Variants in CHRDL1 observed in about 807,000 individuals in gnomAD.
The protein encoded by CHRDL1 is chordin like 1.
In CHRDL1, 19 loss-of-function variants were observed where a neutral mutation model predicts 40.9. That is an observed-to-expected ratio of 0.46 (90% CI 0.32 to 0.68). The LOEUF is 0.68. Among genes scored for constraint, CHRDL1 ranks in the 30% least tolerant of loss-of-function variants. The pLI, the probability that CHRDL1 is intolerant of heterozygous loss-of-function variation, is 0.03. For missense variants in CHRDL1, 329 were observed against 352.1 expected, an observed-to-expected ratio of 0.93 and a Z score of 0.53; for synonymous variants, 136 against 123.4, an observed-to-expected ratio of 1.10 and a Z score of -0.68.
intron 4 of CHRDL1, among the ~76,000 whole-genome samples, chrX:110,731,897 C>T (rs2071168716): frequency 9.2e-6 from 1 of 109,109 alleles, no homozygotes; most frequent in Non-Finnish European, 1.9e-5. Context: ...GTGATGGATG[C>T]AACATCTTGT....
intron 4 of CHRDL1, among the ~76,000 whole-genome samples, chrX:110,737,654 G>A (rs754009965): frequency 4.5e-5 from 5 of 111,711 alleles, no homozygotes; most frequent in African/African-American, 1.3e-4. Flanking sequence ...TTTACTGCCC[G>A]TACTGGACAA....
chrX:110,795,542 A>G (rs995271390), intron 1 of CHRDL1: 6 of 110,997 alleles, frequency 5.4e-5, no homozygotes, highest in African/African-American at 2.0e-4. Flanking sequence ...GAGACCCCCA[A>G]CTTGCTTTGG....
chrX:110,690,225 T>C lies in CHRDL1; in HGVS notation c.779-1422A>G, dbSNP rs915246262. On this transcript the variant is annotated intron_variant, in intron 8 of 11. Transcript: ENST00000372042. ...CACGCCCGGCTAACTTTTTTTTGGA[T>C]TTTTAGTAGAGACGGGGTTTCACTG... Among the ~76,000 whole-genome samples the C allele has an allele frequency of 4.8e-5, 5 of 103,991 alleles. No homozygotes were observed. In the East Asian group the frequency reaches 8.7e-4, roughly 18 times the overall value. 90.3% of individuals were successfully genotyped at this position (103,991 alleles called of 115,157 possible). A position where few individuals can be genotyped will look rare whatever the true frequency, so the allele number is the denominator to read the frequency against.
chrX:110,753,892 T>G (rs186437181), intron 4 of CHRDL1, among the ~76,000 whole-genome samples: 71 of 112,427 alleles, frequency 6.3e-4, no homozygotes, highest in African/African-American at 2.2e-3. Context: ...TGCTATAGTG[T>G]GGATTTGTGT....
At chrX:110,728,383 G>GA (rs1470111477) in intron 4 of CHRDL1, among the ~76,000 whole-genome samples, 4 of 111,238 alleles carry the variant, frequency 3.6e-5, no homozygotes, top group African/African-American at 1.3e-4. Flanking sequence ...GACTACGTTT[G>GA]AAAAAACTTC....
chrX:110,689,462 A>C (rs1373695855), intron 8 of CHRDL1, among the ~76,000 whole-genome samples: 1 of 52,019 alleles, frequency 1.9e-5, no homozygotes, highest in African/African-American at 2.6e-4. Context: ...ATATATCTAT[A>C]TATATCTATA....
Position 110,792,123 on chromosome X carries a change from A to G in CHRDL1, c.59T>C (p.Leu20Pro). 8.3e-7 allele frequency: 1 copy of G among 1,203,198 alleles called. No individual in the cohort carries two copies. Among genetic ancestry groups the G allele is most frequent in the Non-Finnish European group, 1.1e-6 (1 of 889,544 alleles). The change falls in exon 2 of 12, where the codon CTT (leucine) becomes CCT (proline). Residue 20 changes from leucine to proline, a missense_variant. Physicochemically the swap from Leu to Pro is moderately conservative, Grantham distance 98. Transcript: ENST00000372042. ...MKYIFSLLFF[L>P]LLEGGKTEQV... Reference sequence around the variant, plus strand: ...CTCTGTTTTGCCTCCTTCTAGCAAAAGAAAGAACAACAACGAAAAGATGTA... The same window carrying G: ...CTCTGTTTTGCCTCCTTCTAGCAAAGGAAAGAACAACAACGAAAAGATGTA...
chrX:110,773,208 A>T (rs1447542227), intron 2 of CHRDL1, among the ~76,000 whole-genome samples: 3 of 111,935 alleles, frequency 2.7e-5, no homozygotes, highest in African/African-American at 9.7e-5. Flanking sequence ...TAATATATTA[A>T]TTCCTTGCTA....
intron 4 of CHRDL1, among the ~76,000 whole-genome samples, chrX:110,747,484 A>T (rs996501079): frequency 2.7e-5 from 3 of 111,332 alleles, no homozygotes; most frequent in African/African-American, 9.8e-5. Context: ...GTAGACAAAT[A>T]TAACAGTCCC....
chrX:110,755,680 T>C (rs1211639631), intron 4 of CHRDL1, among the ~76,000 whole-genome samples: 9 of 112,144 alleles, frequency 8.0e-5, no homozygotes, highest in Admixed American at 5.7e-4. Flanking sequence ...ACGGAGCTTA[T>C]TCATCATCTT....
chrX:110,712,024 C>T (rs772510359), intron 6 of CHRDL1, among the ~76,000 whole-genome samples: 2 of 111,927 alleles, frequency 1.8e-5, no homozygotes, highest in East Asian at 5.6e-4. Context: ...TGCATCTGTA[C>T]TTGGAATGCT....
intron 6 of CHRDL1, among the ~76,000 whole-genome samples, chrX:110,704,407 T>C (rs1194667718): frequency 8.9e-6 from 1 of 111,898 alleles, no homozygotes; most frequent in East Asian, 2.8e-4. Context: ...ATAAAACTGA[T>C]ATTTGTGGAA....
chrX:110,701,659 C>T (rs749833316), intron 6 of CHRDL1, among the ~76,000 whole-genome samples: 4 of 110,855 alleles, frequency 3.6e-5, no homozygotes, highest in Admixed American at 9.6e-5. Flanking sequence ...ACAGAAAATA[C>T]GAAAACTAGC....
intron 9 of CHRDL1, among the ~76,000 whole-genome samples, chrX:110,682,680 T>A (rs1033603384): frequency 5.3e-5 from 6 of 112,179 alleles, no homozygotes; most frequent in African/African-American, 1.6e-4. Flanking sequence ...ATCAGACACA[T>A]TTGGACTAGA....
intron 10 of CHRDL1, 121 bp downstream of exon 10, chrX:110,681,361 A>G (rs1448239586): frequency 1.6e-5 from 9 of 562,937 alleles, no homozygotes. Context: ...TCAGTTTCTA[A>G]GCAATCAAAA....
At chrX:110,769,576 C>A (rs963392664) in intron 2 of CHRDL1, among the ~76,000 whole-genome samples, 4 of 112,138 alleles carry the variant, frequency 3.6e-5, no homozygotes, top group Non-Finnish European at 7.5e-5. Context: ...ATACCTGCAA[C>A]TGGGCAATTT....
chrX:110,752,060 A>G (rs1042591534), intron 4 of CHRDL1, among the ~76,000 whole-genome samples: 8 of 112,133 alleles, frequency 7.1e-5, no homozygotes, highest in Non-Finnish European at 1.3e-4. Flanking sequence ...CATATGTGGA[A>G]GCTAAAAAAG....
At chrX:110,779,515 T>C (rs2089906875) in intron 2 of CHRDL1, among the ~76,000 whole-genome samples, 1 of 111,766 alleles carries the variant, frequency 8.9e-6, no homozygotes, top group Admixed American at 9.5e-5. Flanking sequence ...TGATGTTTAT[T>C]TGGGTCTATT....
At chrX:110,750,664 C>T (rs927825686) in intron 4 of CHRDL1, among the ~76,000 whole-genome samples, 4 of 111,681 alleles carry the variant, frequency 3.6e-5, no homozygotes, top group Admixed American at 9.5e-5. Context: ...ATTCATTTCT[C>T]GCCAACAACA....
Sources: allele counts gnomAD v4.1 joint callset (sites outside exome capture counted in the v4.1 genomes callset), GRCh38; gene constraint gnomAD v4.1.1; transcripts MANE v1.5; gene names NCBI Gene and HGNC (gene_info 2026-07-23, HGNC 2026-07-21).